The following HEXB variants were observed in gnomAD, a reference collection of about 807,000 sequenced individuals.
HEXB encodes the protein beta-hexosaminidase subunit beta.
In HEXB, 51 loss-of-function variants were observed where a neutral mutation model predicts 71.2. The observed-to-expected ratio is 0.72, with a 90% CI of 0.57 to 0.90. The LOEUF (loss-of-function observed/expected upper bound fraction) is 0.90. Ranked by LOEUF, HEXB falls within the 40% of genes least tolerant of loss-of-function variation. HEXB has a pLI of 0.00. For synonymous variants in HEXB, 266 were observed against 249.3 expected (o/e 1.07, Z -0.63); for missense variants, 617 against 677.0 (o/e 0.91, Z 0.98).
chr5:74,661,243 G>A (rs573321480), intron 1 of HEXB, among the ~76,000 whole-genome samples: 2 of 152,124 alleles, frequency 1.3e-5, no homozygotes, highest in African/African-American at 2.4e-5. Flanking sequence ...AACATAAATC[G>A]AAATCCACAG....
chr5:74,693,837 T>G (rs1388346449), intron 3 of HEXB, 133 bp downstream of exon 3: 1 of 733,740 alleles, frequency 1.4e-6, no homozygotes, highest in Non-Finnish European at 2.5e-6. Context: ...AGTTCCAAAA[T>G]GATTTCCATT....
At chr5:74,709,466 C>G (rs926085080) in intron 6 of HEXB, among the ~76,000 whole-genome samples, 15 of 152,046 alleles carry the variant, frequency 9.9e-5, no homozygotes, top group African/African-American at 3.1e-4. Context: ...AGGAAATAGA[C>G]ACACAAAAAA....
intron 1 of HEXB, among the ~76,000 whole-genome samples, chr5:74,657,584 T>C (rs1248432231): frequency 6.6e-6 from 1 of 152,230 alleles, no homozygotes; most frequent in African/African-American, 2.4e-5. Context: ...AAGAACTTTG[T>C]CTATTTTGCT....
chr5:74,689,279 AT>A, intron 1 of HEXB, 48 bp from the exon 2 acceptor site: 1 of 1,492,528 alleles, frequency 6.7e-7, no homozygotes, highest in Non-Finnish European at 9.3e-7. Flanking sequence ...TGTTTTAAAA[AT>A]TTGGCTAAAA....
chr5:74,717,161 A>G (rs1264184494), intron 9 of HEXB, among the ~76,000 whole-genome samples: 1 of 152,162 alleles, frequency 6.6e-6, no homozygotes, highest in Admixed American at 6.5e-5. Flanking sequence ...AGCCTGGGCA[A>G]CAGAGTGAGA....
chr5:74,646,762 T>A (rs1348792701), intron 1 of HEXB, among the ~76,000 whole-genome samples: 6 of 151,504 alleles, frequency 4.0e-5, no homozygotes, highest in Non-Finnish European at 8.8e-5. Context: ...AGAGATGAGG[T>A]TTCACCATCT....
intron 1 of HEXB, among the ~76,000 whole-genome samples, chr5:74,667,137 G>A (rs550793003): frequency 1.2e-4 from 19 of 152,110 alleles, no homozygotes; most frequent in African/African-American, 4.3e-4. Context: ...ATTATTGGCC[G>A]GGCACAGTGG....
chr5:74,692,551 T>C (rs1749027199), intron 2 of HEXB, among the ~76,000 whole-genome samples: 1 of 152,194 alleles, frequency 6.6e-6, no homozygotes, highest in Non-Finnish European at 1.5e-5. Flanking sequence ...AATAGCAATA[T>C]AGTTCTTAGC....
At chr5:74,643,114 G>A (rs181224727) in intron 1 of HEXB, among the ~76,000 whole-genome samples, 3 of 152,328 alleles carry the variant, frequency 2.0e-5, no homozygotes, top group Admixed American at 2.0e-4. Flanking sequence ...GAAATCATGG[G>A]TGCTACTGAT....
chr5:74,671,126 T>TA (rs992717556), intron 1 of HEXB, among the ~76,000 whole-genome samples: 3 of 151,804 alleles, frequency 2.0e-5, no homozygotes, highest in East Asian at 1.9e-4. Context: ...AGACTGATGG[T>TA]AAAAAAACAA....
At chr5:74,664,382 A>G (rs1748391974) in intron 1 of HEXB, among the ~76,000 whole-genome samples, 1 of 145,424 alleles carries the variant, frequency 6.9e-6, no homozygotes, top group Non-Finnish European at 1.5e-5. Flanking sequence ...AGTAGCTATG[A>G]TCGTGCCATT....
intron 1 of HEXB, among the ~76,000 whole-genome samples, chr5:74,642,579 C>T (rs1045675399): frequency 1.3e-5 from 2 of 152,054 alleles, no homozygotes; most frequent in African/African-American, 4.8e-5. Context: ...TAGACACCTC[C>T]TAGACCCACT....
chr5:74,677,490 C>CTTTTTTTTTTTT (rs566302720), intron 1 of HEXB, among the ~76,000 whole-genome samples: 9 of 77,280 alleles, frequency 1.2e-4, no homozygotes, highest in African/African-American at 1.7e-4. Context: ...TCTTCTTCTT[C>CTTTTTTTTTTTT]TTTTTTTTTT....
intron 1 of HEXB, among the ~76,000 whole-genome samples, chr5:74,671,142 G>A (rs1027641119): frequency 6.6e-6 from 1 of 151,712 alleles, no homozygotes; most frequent in Non-Finnish European, 1.5e-5. Flanking sequence ...AACAACTACA[G>A]TAAGGGACAA....
chr5:74,686,254 A>G (rs904996318), intron 1 of HEXB, among the ~76,000 whole-genome samples: 1 of 152,242 alleles, frequency 6.6e-6, no homozygotes, highest in South Asian at 2.1e-4. Context: ...TTGGCTGCAG[A>G]CAGGGTGAGT....
chr5:74,669,919 C>A (rs1748501143), intron 1 of HEXB, among the ~76,000 whole-genome samples: 2 of 152,158 alleles, frequency 1.3e-5, no homozygotes, highest in African/African-American at 4.8e-5. Flanking sequence ...TTAACAAGAA[C>A]TTCCCATGTG....
In HEXB at chr5:74,641,244, G is replaced by A. The variant is rs963767283; in HGVS notation, c.-377+686G>A. ...GCGCCTTGGGTAGGACACCCAGAGT[G>A]GGGAGAGATAGTGGCAATGGACGGG... On this transcript the variant is annotated intron_variant, in intron 1 of 13. Transcript: ENST00000511181. This position sits in a 1 kb window ranked among gnomAD's most constrained non-coding sequence, Gnocchi z 4.1. The A allele has an allele frequency of 2.6e-5, 4 of 152,674 alleles. No individual in the cohort carries two copies. The allele number at this position is 152,674 out of a possible 1,614,324, so 9.5% of individuals were successfully genotyped here.
intron 1 of HEXB, among the ~76,000 whole-genome samples, chr5:74,662,567 T>C (rs1748347682): frequency 6.6e-6 from 1 of 152,168 alleles, no homozygotes; most frequent in Non-Finnish European, 1.5e-5. Flanking sequence ...GAGCTACTGG[T>C]CCAAAAGGAA....
At chr5:74,705,503 A>C in intron 6 of HEXB, 183 bp downstream of exon 6, 1 of 592,502 alleles carries the variant, frequency 1.7e-6, no homozygotes, top group Non-Finnish European at 3.0e-6. Flanking sequence ...TGTTATTGTT[A>C]TAACGGTTAC....
Sources: gnomAD v4.1 joint callset for allele counts (sites outside exome capture counted in the v4.1 genomes callset) on GRCh38, gnomAD v4.1.1 for gene constraint, Gnocchi (gnomAD v3.1) non-coding constraint, MANE v1.5 for transcripts, NCBI Gene and HGNC (gene_info 2026-07-23, HGNC 2026-07-21) for gene names.